AGAP1: variants seen among roughly 807,000 people sequenced by gnomAD.
The protein encoded by AGAP1 is ArfGAP with GTPase domain, ankyrin repeat and PH domain 1, also known as arf-GAP with GTPase, ANK repeat and PH domain-containing protein 1.
AGAP1 carries 29 observed loss-of-function variants against 105.3 expected under a neutral mutation model. The observed-to-expected ratio is 0.28, with a 90% CI of 0.21 to 0.38. The LOEUF (loss-of-function observed/expected upper bound fraction) is 0.38. AGAP1 is among the 10% of genes least tolerant of loss of function. The probability of loss-of-function intolerance (pLI) is 1.00; values close to 1 mark genes in which losing one functional copy is unlikely to be tolerated. For synonymous variants in AGAP1, 509 were observed against 485.9 expected (o/e 1.05, Z -0.63); for missense variants, 998 against 1,165.1 (o/e 0.86, Z 2.09).
At chr2:235,515,293 A>G (rs1012515528) in intron 1 of AGAP1, among the ~76,000 whole-genome samples, 1 of 152,122 alleles carries the variant, frequency 6.6e-6, no homozygotes, top group African/African-American at 2.4e-5. Context: ...GGACAGGCAC[A>G]GGCTGCCTGT....
At chr2:235,825,683 A>G (rs1274498233) in intron 9 of AGAP1, among the ~76,000 whole-genome samples, 1 of 152,208 alleles carries the variant, frequency 6.6e-6, no homozygotes, top group South Asian at 2.1e-4. Context: ...ACAATTACTA[A>G]TTTATCAAAT....
intron 16 of AGAP1, among the ~76,000 whole-genome samples, chr2:236,077,314 T>C (rs1015551916): frequency 6.7e-6 from 1 of 149,070 alleles, no homozygotes; most frequent in African/African-American, 2.5e-5. Context: ...CATGTCCTTA[T>C]GTATGTCTCT....
chr2:235,632,115 C>T (rs1575003259), intron 1 of AGAP1, among the ~76,000 whole-genome samples: 2 of 152,176 alleles, frequency 1.3e-5, no homozygotes, highest in East Asian at 1.9e-4. Context: ...GGTTTTCAGA[C>T]ATATGTGGCC....
chr2:235,937,563 C>CA (rs56970168), intron 12 of AGAP1, among the ~76,000 whole-genome samples: 3,842 of 151,536 alleles, frequency 0.025, 166 homozygotes, highest in African/African-American at 0.088. Flanking sequence ...TGTTGCAAGG[C>CA]AAAAAAAATC....
In AGAP1 at chr2:236,127,335, A is replaced by G. The variant is rs1402571663; in HGVS notation, c.*3213A>G. 2 of 152,246 alleles carry G rather than the reference A, an allele frequency of 1.3e-5. No individual in the cohort carries two copies. Among genetic ancestry groups the G allele is most frequent in the Non-Finnish European group, 2.9e-5 (2 of 68,074 alleles). 9.4% of individuals were successfully genotyped at this position (152,246 alleles called of 1,614,324 possible). On this transcript the variant is annotated 3_prime_UTR_variant, in exon 18 of 18. Coordinates refer to ENST00000304032, the MANE Select transcript of AGAP1 (RefSeq NM_001037131.3). This position sits in a 1 kb window ranked among gnomAD's most constrained non-coding sequence, Gnocchi z 6.6. ...CTCTGTTTCATCCCAGGAAATGAGC[A>G]GCTCGAGGGTGAGCAAGTGACAAGT...
At chr2:235,604,941 C>T (rs974916446) in intron 1 of AGAP1, among the ~76,000 whole-genome samples, 6 of 151,858 alleles carry the variant, frequency 4.0e-5, no homozygotes, top group South Asian at 2.1e-4. Flanking sequence ...AGGGCAGTGG[C>T]GCGATCCTGG....
intron 1 of AGAP1, among the ~76,000 whole-genome samples, chr2:235,638,182 C>G (rs961447464): frequency 6.6e-6 from 1 of 152,200 alleles, no homozygotes; most frequent in African/African-American, 2.4e-5. Context: ...CTAGTTGGTT[C>G]TGTCACACAG....
rs1208823075 is a variant in AGAP1 at position 235,994,739 on chromosome 2, A to G, written c.1645+26116A>G. Among the ~76,000 whole-genome samples the G allele has an allele frequency of 6.6e-6, 1 of 151,860 alleles. No individual in the cohort carries two copies. The highest frequency in any genetic ancestry group is 1.5e-5 in the Non-Finnish European group (1 of 67,956). On this transcript the variant is annotated intron_variant, in intron 13 of 17. Coordinates refer to ENST00000304032, the MANE Select transcript of AGAP1 (RefSeq NM_001037131.3). This position sits in a 1 kb window ranked among gnomAD's most constrained non-coding sequence, Gnocchi z 4.4. Reference sequence around the variant, plus strand: ...CACACAAGCTTCTCAGGGGAAGAGCATGATGAATTTCTTTCTTTTTTTTTT... The same window carrying G: ...CACACAAGCTTCTCAGGGGAAGAGCGTGATGAATTTCTTTCTTTTTTTTTT...
intron 1 of AGAP1, among the ~76,000 whole-genome samples, chr2:235,524,767 C>T (rs1942766670): frequency 6.6e-6 from 1 of 152,192 alleles, no homozygotes; most frequent in African/African-American, 2.4e-5. Context: ...TTAGGGAACT[C>T]ATTGGCTTGT....
chr2:235,746,975 G>A (rs374300426), intron 5 of AGAP1, among the ~76,000 whole-genome samples: 2 of 152,156 alleles, frequency 1.3e-5, no homozygotes, highest in Non-Finnish European at 2.9e-5. Flanking sequence ...ACACACCTGC[G>A]TGTGACTGGC....
intron 1 of AGAP1, among the ~76,000 whole-genome samples, chr2:235,687,888 C>T (rs766519503): frequency 5.2e-4 from 75 of 143,610 alleles, no homozygotes; most frequent in Non-Finnish European, 9.3e-4. Context: ...TTCTTAATCG[C>T]CGCTCTCTGA....
intron 1 of AGAP1, among the ~76,000 whole-genome samples, chr2:235,522,290 A>G (rs1016304913): frequency 2.0e-5 from 3 of 152,182 alleles, no homozygotes; most frequent in African/African-American, 7.2e-5. Context: ...TGAATAGGCC[A>G]CTGGTTTTGG....
In AGAP1 at chr2:235,689,564, C is replaced by T. The variant is rs1433730591; in HGVS notation, c.164-19615C>T. On this transcript the variant is annotated intron_variant, in intron 1 of 17. Coordinates refer to ENST00000304032, the MANE Select transcript of AGAP1 (RefSeq NM_001037131.3). The surrounding 1 kb of genome is among the most constrained non-coding windows in gnomAD (Gnocchi z 4.2). ...AATTCTGAAAGTCTTAAGTCTGTTT[C>T]TCAACTCCCCTCTTGTTTTCATTGT... Among the ~76,000 whole-genome samples the T allele has an allele frequency of 1.3e-5, 2 of 151,712 alleles. No homozygotes were observed. Among genetic ancestry groups the T allele is most frequent in the Admixed American group, 6.6e-5 (1 of 15,252 alleles).
intron 9 of AGAP1, among the ~76,000 whole-genome samples, chr2:235,871,721 A>T (rs77014822): frequency 0.039 from 5,981 of 152,344 alleles, 373 homozygotes; most frequent in African/African-American, 0.13. Context: ...ACTGTGGCTG[A>T]GACCTGTGGA....
chr2:236,109,001 C>T lies in AGAP1; in HGVS notation c.2115-11191C>T, dbSNP rs2059578082. 6.6e-6 allele frequency among the ~76,000 whole-genome samples: 1 copy of T among 152,218 alleles called. No homozygotes were observed. Among genetic ancestry groups the T allele is most frequent in the Admixed American group, 6.5e-5 (1 of 15,278 alleles). ...TTGACAATGTGCTGACCCTTCCCTGCCAGGACCAAAACACAGCTGATGGTG... is the reference window on the plus strand; with the variant it reads ...TTGACAATGTGCTGACCCTTCCCTGTCAGGACCAAAACACAGCTGATGGTG... On this transcript the variant is annotated intron_variant, in intron 16 of 17. Transcript: ENST00000304032. This position sits in a 1 kb window ranked among gnomAD's most constrained non-coding sequence, Gnocchi z 5.4.
At chr2:235,576,247 T>C (rs1168460845) in intron 1 of AGAP1, among the ~76,000 whole-genome samples, 1 of 152,146 alleles carries the variant, frequency 6.6e-6, no homozygotes, top group Non-Finnish European at 1.5e-5. Context: ...GTGCTATGAG[T>C]CTTTGTCCAG....
At chr2:236,030,110 T>A (rs1387740608) in intron 13 of AGAP1, among the ~76,000 whole-genome samples, 1 of 152,230 alleles carries the variant, frequency 6.6e-6, no homozygotes, top group Non-Finnish European at 1.5e-5. Context: ...CTCTTGAGGA[T>A]ATCATTCCAC....
At position 235,872,269 on chromosome 2, in the gene AGAP1, A is replaced by G. The variant is rs1292062155; in HGVS notation, c.1051-11076A>G. On this transcript the variant is annotated intron_variant, in intron 9 of 17. Coordinates refer to ENST00000304032, the MANE Select transcript of AGAP1 (RefSeq NM_001037131.3). The surrounding 1 kb of genome is among the most constrained non-coding windows in gnomAD (Gnocchi z 4.5). ...CAATATTGCATAGAAATAAAAAAAA[A>G]AAGTTCTAAATAAATGCCGAAGCCA... Among the ~76,000 whole-genome samples the G allele has an allele frequency of 1.3e-5, 2 of 152,218 alleles. No individual in the cohort carries two copies. The highest frequency in any genetic ancestry group is 4.8e-5 in the African/African-American group (2 of 41,444).
rs975559609 is a variant in AGAP1 at position 235,559,379 on chromosome 2, C to T, written c.163+64530C>T. ...CGGCTTCTCTGTGGCAAGCCAGAGG[C>T]GTCTGTGATGAGCGCCTGCAGACGC... On this transcript the variant is annotated intron_variant, in intron 1 of 17. Coordinates refer to ENST00000304032, the MANE Select transcript of AGAP1 (RefSeq NM_001037131.3). This position sits in a 1 kb window ranked among gnomAD's most constrained non-coding sequence, Gnocchi z 5.7. Among the ~76,000 whole-genome samples the T allele has an allele frequency of 5.3e-5, 8 of 152,166 alleles. No homozygotes were observed. Among genetic ancestry groups the T allele is most frequent in the Non-Finnish European group, 1.0e-4 (7 of 68,036 alleles).
Sources: allele counts gnomAD v4.1 joint callset (sites outside exome capture counted in the v4.1 genomes callset), GRCh38; gene constraint gnomAD v4.1.1; non-coding constraint Gnocchi (gnomAD v3.1); transcripts MANE v1.5; gene names NCBI Gene and HGNC (gene_info 2026-07-23, HGNC 2026-07-21).